The following MYLK2 variants were observed in gnomAD, a reference collection of about 807,000 sequenced individuals.
The protein encoded by MYLK2 is myosin light chain kinase 2, skeletal/cardiac muscle.
In MYLK2, 27 loss-of-function variants were observed where a neutral mutation model predicts 58.2. That is an observed-to-expected ratio of 0.46 (90% confidence interval 0.34 to 0.64). The LOEUF (loss-of-function observed/expected upper bound fraction) is 0.64, where lower values mean the gene tolerates loss of function less well. Ranked by LOEUF, MYLK2 falls within the 30% of genes least tolerant of loss-of-function variation. The probability of loss-of-function intolerance (pLI) is 0.01; values close to 1 mark genes in which losing one functional copy is unlikely to be tolerated. For synonymous variants in MYLK2, 310 were observed against 296.7 expected (o/e 1.04, Z -0.46); for missense variants, 676 against 764.3 (o/e 0.88, Z 1.36).
chr20:31,821,443 G>A lies in MYLK2; in HGVS notation c.478G>A (p.Glu160Lys). Residue 160 changes from glutamate to lysine, a missense_variant, in exon 4 of 13, where the codon GAG becomes AAG. Around this residue, in one of 2 missense-constraint regions of MYLK2, gnomAD observed 306 missense variants for 296.5 expected, o/e 1.03. Transcript: ENST00000375985. ...PSCPAIISSSEKLLAKKPPSE... is the reference protein window; with the variant it reads ...PSCPAIISSSKKLLAKKPPSE... Reference sequence around the variant, plus strand: ...CTCTGTGTTCTCACCTTCTAGTTCTGAGAAGCTGCTGGCCAAGAAGCCCCC... The same window carrying A: ...CTCTGTGTTCTCACCTTCTAGTTCTAAGAAGCTGCTGGCCAAGAAGCCCCC... The A allele has an allele frequency of 6.2e-7, 1 of 1,613,336 alleles. No homozygotes were observed. The highest frequency in any genetic ancestry group is 8.5e-7 in the Non-Finnish European group (1 of 1,180,032).
chr20:31,820,160 C>T lies in MYLK2; in HGVS notation c.87C>T (p.Pro29=). 1.2e-6 allele frequency: 2 copies of T among 1,613,924 alleles called. No homozygotes were observed. The highest frequency in any genetic ancestry group is 1.1e-5 in the South Asian group (1 of 91,082). ...CTAAAGGTCCCACAGGTGAAAGACCCCTGGCTGCAGGGAAAGACCCTGGCC... is the reference window on the plus strand; with the variant it reads ...CTAAAGGTCCCACAGGTGAAAGACCTCTGGCTGCAGGGAAAGACCCTGGCC... ...KAPKGPTGER[P]LAAGKDPGPP... is the part of the protein sequence containing the mutation. The change falls in exon 3 of 13, where the codon CCC becomes CCT. Residue 29 remains proline (P), a synonymous_variant. Coordinates refer to ENST00000375985, the MANE Select transcript of MYLK2 (RefSeq NM_033118.4).
At chr20:31,833,592 G>A (rs1002572386) in intron 12 of MYLK2, 125 bp from the exon 13 acceptor site, 1 of 850,882 alleles carries the variant, frequency 1.2e-6, no homozygotes, top group African/African-American at 1.7e-5. Flanking sequence ...TGGCCATTTT[G>A]GGCACTGCAC....
At chr20:31,831,190 C>T (rs758343324) in intron 10 of MYLK2, 49 bp downstream of exon 10, 17 of 1,612,836 alleles carry the variant, frequency 1.1e-5, no homozygotes, top group African/African-American at 2.7e-5. Context: ...GGCATGGGGG[C>T]GAGCGGCCGA....
intron 3 of MYLK2, among the ~76,000 whole-genome samples, chr20:31,820,990 T>C (rs2062249753): frequency 6.6e-6 from 1 of 152,216 alleles, no homozygotes; most frequent in Admixed American, 6.5e-5. Context: ...AATAACCAGA[T>C]TGGAGGATCA....
Position 31,831,070 on chromosome 20 carries a change from TGAG to T in MYLK2, c.1355_1357del (p.Glu452del), listed in dbSNP as rs745553593. Reference sequence around the variant, plus strand: ...TTGGGACCCCAGAGTTCCTGTCACCTGAGGTGGTGAATTATGACCAAATCTCCG... The same window carrying T: ...TTGGGACCCCAGAGTTCCTGTCACCTGTGGTGAATTATGACCAAATCTCCG... On this transcript the variant is annotated inframe_deletion, in exon 10 of 13. Coordinates refer to ENST00000375985, the MANE Select transcript of MYLK2 (RefSeq NM_033118.4). The T allele has an allele frequency of 6.2e-7, 1 of 1,614,074 alleles. No individual in the cohort carries two copies. Among genetic ancestry groups the T allele is most frequent in the Non-Finnish European group, 8.5e-7 (1 of 1,179,996 alleles).
At position 31,820,312 on chromosome 20, in the gene MYLK2, G is replaced by T. The variant is rs763025885; in HGVS notation, c.239G>T (p.Gly80Val). The change falls in exon 3 of 13, where the codon GGT becomes GTT. Residue 80 changes from glycine (G) to valine (V), a missense_variant. Physicochemically the swap from Gly to Val is moderately radical, Grantham distance 109. Coordinates refer to ENST00000375985, the MANE Select transcript of MYLK2 (RefSeq NM_033118.4). ...STSSQGPKGE[G>V]DRGGGPAEGS... Reference sequence around the variant, plus strand: ...AGCAGCCAAGGCCCCAAAGGAGAGGGTGACAGGGGCGGGGGGCCCGCGGAG... The same window carrying T: ...AGCAGCCAAGGCCCCAAAGGAGAGGTTGACAGGGGCGGGGGGCCCGCGGAG... 1 of 1,613,316 alleles carries T rather than the reference G, an allele frequency of 6.2e-7. No homozygotes were observed. Among genetic ancestry groups the T allele is most frequent in the Non-Finnish European group, 8.5e-7 (1 of 1,179,908 alleles).
chr20:31,822,876 C>G (rs2062258125), intron 4 of MYLK2, among the ~76,000 whole-genome samples: 1 of 152,148 alleles, frequency 6.6e-6, no homozygotes, highest in Non-Finnish European at 1.5e-5. Context: ...ATCACCAGCC[C>G]GGCTTCCCTG....
chr20:31,830,849 G>A lies in MYLK2; in HGVS notation c.1255G>A (p.Gly419Arg), dbSNP rs781613441. 22 of 1,613,874 alleles carry A rather than the reference G, an allele frequency of 1.4e-5. No homozygotes were observed. Among genetic ancestry groups the A allele is most frequent in the South Asian group, 7.7e-5 (7 of 91,056 alleles). ...PENILCVNTT[G>R]HLVKIIDFGL... ...GAACATCCTGTGTGTCAACACCACC[G>A]GGCATTTGGTGAAGATCATTGACTT... Residue 419 changes from glycine to arginine, a missense_variant, in exon 9 of 13, where the codon GGG becomes AGG. Gly to Arg is a moderately radical substitution (Grantham distance 125, BLOSUM62 -2). Transcript: ENST00000375985.
intron 8 of MYLK2, chr20:31,827,141 A>T: frequency 1.0e-6 from 1 of 981,422 alleles, no homozygotes; most frequent in African/African-American, 1.7e-5. Context: ...GAGGGGGGGA[A>T]AAAAAAAAGA....
Position 31,824,419 on chromosome 20 carries a change from G to A in MYLK2, c.972+67G>A, listed in dbSNP as rs8116429. 1,221 of 1,561,626 alleles carry A rather than the reference G, an allele frequency of 7.8e-4. 11 individuals carry two copies. In the African/African-American group the frequency reaches 0.015, roughly 20 times the overall value. On this transcript the variant is annotated intron_variant, in intron 6 of 12. Transcript: ENST00000375985. ...GGGATCCTTGGAGTGGGCACCTCTC[G>A]CCTCCCTCCACCAGCGCTGCTGAAC...
chr20:31,829,616 G>T (rs191773650), intron 8 of MYLK2, among the ~76,000 whole-genome samples: 81 of 152,360 alleles, frequency 5.3e-4, no homozygotes, highest in Non-Finnish European at 3.5e-4. Context: ...TCAGGGGGTG[G>T]TGGCGACCAT....
chr20:31,831,278 G>A (rs1448732137), intron 10 of MYLK2, 137 bp downstream of exon 10: 1 of 1,298,090 alleles, frequency 7.7e-7, no homozygotes, highest in Non-Finnish European at 1.1e-6. Context: ...CTGGGGTTGG[G>A]AGTGCTAGGG....
In MYLK2 at chr20:31,819,537, A is replaced by T; in HGVS notation, c.-44A>T. ...ACTCCACTCTTGTTTCTGCAGCTAG[A>T]AAGACTTGAGTTAGACAAGCAGCAG... is the stretch of plus-strand genomic sequence containing the variant. On this transcript the variant is annotated 5_prime_UTR_variant, in exon 2 of 13. Transcript: ENST00000375985. The T allele has an allele frequency of 6.4e-7, 1 of 1,551,056 alleles. No individual in the cohort carries two copies. The highest frequency in any genetic ancestry group is 8.7e-7 in the Non-Finnish European group (1 of 1,146,706).
Position 31,820,194 on chromosome 20 carries a change from C to T in MYLK2, c.121C>T (p.Pro41Ser), listed in dbSNP as rs2062244774. 1.2e-6 allele frequency: 2 copies of T among 1,613,860 alleles called. No individual in the cohort carries two copies. Among genetic ancestry groups the T allele is most frequent in the African/African-American group, 2.7e-5 (2 of 74,898 alleles). Residue 41 changes from proline to serine, a missense_variant, in exon 3 of 13, where the codon CCA becomes TCA. By Grantham distance (74) the Pro-to-Ser change is moderately conservative. This residue lies in a region of MYLK2 where 306 missense variants were observed against 296.5 expected (regional missense o/e 1.03). Coordinates refer to ENST00000375985, the MANE Select transcript of MYLK2 (RefSeq NM_033118.4). ...AAGKDPGPPD[P>S]KKAPDPPTLK... is the part of the protein sequence containing the mutation. ...AGGGAAAGACCCTGGCCCCCCAGAC[C>T]CAAAGAAAGCTCCGGATCCACCCAC... is the stretch of plus-strand genomic sequence containing the variant.
intron 11 of MYLK2, 51 bp downstream of exon 11, chr20:31,831,906 T>G: frequency 6.2e-7 from 1 of 1,613,780 alleles, no homozygotes; most frequent in Non-Finnish European, 8.5e-7. Flanking sequence ...TTAGTGTGTC[T>G]GAGTGCTGGC....
chr20:31,825,661 G>T (rs2062275258), intron 6 of MYLK2, among the ~76,000 whole-genome samples: 1 of 152,126 alleles, frequency 6.6e-6, no homozygotes, highest in East Asian at 1.9e-4. Context: ...GGTGAGATCA[G>T]TCCTCTCTGA....
intron 6 of MYLK2, chr20:31,824,704 C>A: frequency 2.2e-6 from 1 of 453,930 alleles, no homozygotes. Flanking sequence ...GTGGTCTCCA[C>A]CCTCAGGGAG....
intron 8 of MYLK2, chr20:31,828,213 A>C (rs1207783588): frequency 1.0e-6 from 1 of 985,070 alleles, no homozygotes; most frequent in Non-Finnish European, 1.2e-6. Flanking sequence ...CATTGCAGCA[A>C]CTCCAGTCAG....
chr20:31,826,463 TG>T (rs2062280013), intron 6 of MYLK2, 141 bp from the exon 7 acceptor site: 2 of 1,081,496 alleles, frequency 1.8e-6, no homozygotes, highest in Admixed American at 2.1e-5. Context: ...GATGTGGGGG[TG>T]GGGGAGAGAG....
Sources: gnomAD v4.1 joint callset for allele counts (sites outside exome capture counted in the v4.1 genomes callset) on GRCh38, gnomAD v4.1.1 for gene constraint, gnomAD v4.1.1 regional missense constraint, MANE v1.5 for transcripts, NCBI Gene and HGNC (gene_info 2026-07-23, HGNC 2026-07-21) for gene names.